The following FANCD2 variants were observed in gnomAD, a reference collection of about 807,000 sequenced individuals.
FANCD2 encodes the protein Fanconi anemia group D2 protein.
In FANCD2, 131 loss-of-function variants were observed where a neutral mutation model predicts 192.3. The observed-to-expected ratio is 0.68, with a 90% confidence interval of 0.59 to 0.79. The LOEUF (loss-of-function observed/expected upper bound fraction) is 0.79, where lower values mean the gene tolerates loss of function less well. Ranked by LOEUF, FANCD2 falls within the 30% of genes least tolerant of loss-of-function variation. FANCD2 has a pLI of 0.00. For synonymous variants in FANCD2, 524 were observed against 612.5 expected, an observed-to-expected ratio of 0.86 and a Z score of 2.13; for missense variants, 1,508 against 1,701.6, an observed-to-expected ratio of 0.89 and a Z score of 2.00.
intron 32 of FANCD2, 138 bp downstream of exon 32, chr3:10,081,602 G>C (rs537438485): frequency 1.3e-6 from 1 of 770,816 alleles, no homozygotes; most frequent in Admixed American, 1.8e-5. Context: ...TTGTGGGAGT[G>C]TTTTTGTCTG....
At chr3:10,042,912 A>C in intron 11 of FANCD2, 138 bp from the exon 12 acceptor site, 1 of 843,220 alleles carries the variant, frequency 1.2e-6, no homozygotes, top group South Asian at 1.5e-5. Context: ...TATTCTCATA[A>C]CTCTATTTTT....
At position 10,094,994 on chromosome 3, in the gene FANCD2, G is replaced by A. The variant is rs1694867332; in HGVS notation, c.3964-206G>A. 13 of 593,080 alleles carry A rather than the reference G, an allele frequency of 2.2e-5. No homozygotes were observed. The South Asian group carries it at 2.5e-4, about 12-fold the overall frequency. 36.7% of individuals were successfully genotyped at this position (593,080 alleles called of 1,614,324 possible). On this transcript the variant is annotated intron_variant, in intron 40 of 43. Transcript: ENST00000675286. ...TAAAATGCAGGTCTTATAACTCTCA[G>A]ATTGATACAAGGGACAGAAATGGGA... is the stretch of plus-strand genomic sequence containing the variant.
chr3:10,086,055 A>G (rs1694179744), intron 33 of FANCD2, 133 bp downstream of exon 33: 20 of 698,890 alleles, frequency 2.9e-5, no homozygotes, highest in South Asian at 2.6e-4. Context: ...CTCTCCTCAT[A>G]TATGAGCTTT....
At chr3:10,058,713 CCTT>C (rs1185323759) in intron 18 of FANCD2, among the ~76,000 whole-genome samples, 2 of 152,190 alleles carry the variant, frequency 1.3e-5, no homozygotes, top group South Asian at 2.1e-4. Flanking sequence ...ATACGTCTGT[CCTT>C]CTGCCATCAC....
At position 10,032,971 on chromosome 3, in the gene FANCD2, A is replaced by G; in HGVS notation, c.204A>G (p.Leu68=). 1.3e-6 allele frequency: 2 copies of G among 1,569,066 alleles called. No homozygotes were observed. Among genetic ancestry groups the G allele is most frequent in the South Asian group, 1.1e-5 (1 of 89,912 alleles). The change falls in exon 3 of 44, where the codon CTA becomes CTG. Residue 68 remains leucine (L), a splice_region_variant and synonymous_variant. Transcript: ENST00000675286. ...AAACGGGAGAGAGTCAGAATCAACTAGGTAATATTTTAATCTAATTTTATT... is the reference window on the plus strand; with the variant it reads ...AAACGGGAGAGAGTCAGAATCAACTGGGTAATATTTTAATCTAATTTTATT... ...ILKTGESQNQ[L]AVDQIAFQKK... is the part of the protein sequence containing the mutation.
intron 8 of FANCD2, 47 bp downstream of exon 8, chr3:10,039,404 A>G (rs970958818): frequency 1.4e-6 from 2 of 1,464,462 alleles, no homozygotes; most frequent in South Asian, 1.2e-5. Context: ...TATGTTTCTC[A>G]TATCTTTTGG....
At chr3:10,042,730 C>G in intron 11 of FANCD2, 67 bp downstream of exon 11, 1 of 1,220,138 alleles carries the variant, frequency 8.2e-7, no homozygotes, top group African/African-American at 1.5e-5. Flanking sequence ...TCTCTGTCCC[C>G]AGACTAACTG....
chr3:10,070,742 AAAG>A (rs1331938277), intron 26 of FANCD2, among the ~76,000 whole-genome samples: 1 of 145,192 alleles, frequency 6.9e-6, no homozygotes, highest in African/African-American at 2.6e-5. Context: ...GTCTGTGTAG[AAAG>A]AAGTAGACAT....
At chr3:10,033,762 G>A (rs1343796065) in intron 3 of FANCD2, among the ~76,000 whole-genome samples, 2 of 116,530 alleles carry the variant, frequency 1.7e-5, no homozygotes, top group Non-Finnish European at 3.5e-5. Context: ...GTGCAGTGGC[G>A]CGATCTCTGC....
intron 14 of FANCD2, 133 bp from the exon 15 acceptor site, chr3:10,046,447 C>G (rs898332580): frequency 1.4e-6 from 2 of 1,459,464 alleles, no homozygotes; most frequent in African/African-American, 2.8e-5. Context: ...TGTAGATACT[C>G]CCAGGGGAGT....
At chr3:10,095,438 G>A in intron 41 of FANCD2, 164 bp downstream of exon 41, 1 of 674,972 alleles carries the variant, frequency 1.5e-6, no homozygotes. Context: ...TTGAGATTGG[G>A]CAGTCCTCTA....
In FANCD2 at chr3:10,036,290, G is replaced by A. The variant is rs760762211; in HGVS notation, c.442G>A (p.Ala148Thr). 1.2e-6 allele frequency: 2 copies of A among 1,611,150 alleles called. No individual in the cohort carries two copies. Among genetic ancestry groups the A allele is most frequent in the South Asian group, 1.1e-5 (1 of 91,008 alleles). Residue 148 changes from alanine (A) to threonine (T), a missense_variant, in exon 7 of 44, where the codon GCC (alanine) becomes ACC (threonine). Coordinates refer to ENST00000675286, the MANE Select transcript of FANCD2 (RefSeq NM_001018115.3). Reference protein sequence around the residue: ...LLLGIDILQPAIIKTLFEKLP... With the variant: ...LLLGIDILQPTIIKTLFEKLP... The stretch of plus-strand genomic sequence containing the variant: ...CTCCCTATGTCTTCTTTTTTAGCCT[G>A]CCATTATCAAAACCTTATTTGAGAA...
At chr3:10,065,693 C>G (rs2087699451) in intron 24 of FANCD2, among the ~76,000 whole-genome samples, 171 bp from the exon 25 acceptor site, 1 of 152,168 alleles carries the variant, frequency 6.6e-6, no homozygotes, top group Non-Finnish European at 1.5e-5. Context: ...CAAAAACTTT[C>G]TAGTTATATT....
chr3:10,092,124 C>T (rs1340085626), intron 37 of FANCD2, 57 bp from the exon 38 acceptor site: 8 of 1,130,636 alleles, frequency 7.1e-6, no homozygotes, highest in Non-Finnish European at 1.1e-5. Context: ...AGTGGGAATA[C>T]AGTAAGGGAA....
chr3:10,074,033 C>T (rs185819457), intron 28 of FANCD2, among the ~76,000 whole-genome samples: 109 of 152,228 alleles, frequency 7.2e-4, no homozygotes, highest in African/African-American at 2.6e-3. Flanking sequence ...GCAACCTCCA[C>T]CTCCCGGGTT....
chr3:10,073,533 A>G (rs546641313), intron 28 of FANCD2, among the ~76,000 whole-genome samples, 171 bp downstream of exon 28: 9 of 152,346 alleles, frequency 5.9e-5, no homozygotes. Flanking sequence ...ATTAGACTTC[A>G]GGTCCTTATT....
Position 10,036,086 on chromosome 3 carries a change from C to CTTTTTTTTTTTTT in FANCD2, c.439-194_439-182dup, listed in dbSNP as rs532765216. Among the ~76,000 whole-genome samples, 64 of 102,578 alleles carry CTTTTTTTTTTTTT rather than the reference C, an allele frequency of 6.2e-4. 2 individuals carry two copies. Among genetic ancestry groups the CTTTTTTTTTTTTT allele is most frequent in the African/African-American group, 2.1e-3 (51 of 23,986 alleles). The allele number at this position is 102,578 out of a possible 152,430, so 67.3% of individuals were successfully genotyped here. A position where few individuals can be genotyped will look rare whatever the true frequency, so the allele number is the denominator to read the frequency against. On this transcript the variant is annotated intron_variant, in intron 6 of 43. Transcript: ENST00000675286. ...TAGTTGGAAAGAGAATTATACATTT[C>CTTTTTTTTTTTTT]TTTTTTTTTTTTTTTTTTTGAGTCA...
At chr3:10,036,183 G>A in intron 6 of FANCD2, 104 bp from the exon 7 acceptor site, 2 of 857,230 alleles carry the variant, frequency 2.3e-6, no homozygotes, top group South Asian at 1.4e-5. Flanking sequence ...GCCTTCCCCA[G>A]GTCCAAGAGG....
Position 10,074,422 on chromosome 3 carries a change from T to G in FANCD2, c.2716-108T>G, listed in dbSNP as rs1402252588. Reference sequence around the variant, plus strand: ...GGAAGTTGTTATTATAATGAAAATGTAATTTTTTGCATTAAATAAATGCAT... The same window carrying G: ...GGAAGTTGTTATTATAATGAAAATGGAATTTTTTGCATTAAATAAATGCAT... On this transcript the variant is annotated intron_variant, in intron 28 of 43. Transcript: ENST00000675286. 21 of 1,011,200 alleles carry G rather than the reference T, an allele frequency of 2.1e-5. No individual in the cohort carries two copies. In the East Asian group the frequency reaches 5.2e-4, roughly 25 times the overall value. The allele number at this position is 1,011,200 out of a possible 1,614,324, so 62.6% of individuals were successfully genotyped here. A position where few individuals can be genotyped will look rare whatever the true frequency, so the allele number is the denominator to read the frequency against.
Sources: gnomAD v4.1 joint callset for allele counts (sites outside exome capture counted in the v4.1 genomes callset) on GRCh38, gnomAD v4.1.1 for gene constraint, MANE v1.5 for transcripts, NCBI Gene and HGNC (gene_info 2026-07-23, HGNC 2026-07-21) for gene names.